The following EPHB4 variants were observed in gnomAD, a reference collection of about 807,000 sequenced individuals.
EPHB4 encodes the protein EPH receptor B4, also known as ephrin type-B receptor 4.
Under a neutral mutation model 110.6 loss-of-function variants are expected in EPHB4, and 50 were observed. The ratio of observed to expected loss-of-function variants is 0.45; its 90% CI spans 0.36 to 0.57. The LOEUF is 0.57. EPHB4 is among the 20% of genes least tolerant of loss of function. EPHB4 has a pLI of 0.00. For synonymous variants in EPHB4, 592 were observed against 578.4 expected (o/e 1.02, Z -0.34); for missense variants, 1,128 against 1,382.1 (o/e 0.82, Z 2.91).
At chr7:100,813,336 A>C (rs953732052) in intron 10 of EPHB4, 128 bp from the exon 11 acceptor site, 3 of 591,104 alleles carry the variant, frequency 5.1e-6, no homozygotes, top group Non-Finnish European at 7.8e-6. Flanking sequence ...TTTTCCTGAG[A>C]TGGAGTCTCG....
intron 16 of EPHB4, among the ~76,000 whole-genome samples, chr7:100,804,895 T>C (rs1812781610): frequency 6.6e-6 from 1 of 152,134 alleles, no homozygotes; most frequent in Admixed American, 6.6e-5. Context: ...TGCACAAAGA[T>C]AGCTAGAAGT....
At position 100,822,261 on chromosome 7, in the gene EPHB4, C is replaced by T; in HGVS notation, c.808+10G>A. ...TGAGCAGCAGTCGCAGGGGAAGCTC[C>T]AGCTCTCACCTCGGCACTTGGTGTT... On this transcript the variant is annotated intron_variant, in intron 4 of 16. Coordinates refer to ENST00000358173, the MANE Select transcript of EPHB4 (RefSeq NM_004444.5). The surrounding 1 kb of genome is among the most constrained non-coding windows in gnomAD (Gnocchi z 4.7). 2.6e-6 allele frequency: 4 copies of T among 1,554,358 alleles called. No individual in the cohort carries two copies. The highest frequency in any genetic ancestry group is 2.6e-6 in the Non-Finnish European group (3 of 1,149,094).
At chr7:100,817,860 T>TTG (rs1813118364) in intron 7 of EPHB4, among the ~76,000 whole-genome samples, 1 of 5,318 alleles carries the variant, frequency 1.9e-4, no homozygotes, top group Non-Finnish European at 1.0e-3. Context: ...ATTTTTTGCG[T>TTG]TTTTTTTTTT....
At chr7:100,819,353 G>A (rs187309768) in intron 6 of EPHB4, among the ~76,000 whole-genome samples, 1 of 152,234 alleles carries the variant, frequency 6.6e-6, no homozygotes, top group African/African-American at 2.4e-5. Context: ...CAAGTGATCC[G>A]CCTGTCTCAG....
chr7:100,818,555 C>G lies in EPHB4; in HGVS notation c.1387G>C (p.Ala463Pro). Residue 463 changes from alanine to proline, a missense_variant, in exon 7 of 17, where the codon GCT (alanine) becomes CCT (proline). Ala to Pro is a conservative substitution (Grantham distance 27). Transcript: ENST00000358173. Reference sequence around the variant, plus strand: ...TATTTGACCTCGTAGTCCAGCACAGCCCCACTGGGTGCCCGGGGAACAGCC... The same window carrying G: ...TATTTGACCTCGTAGTCCAGCACAGGCCCACTGGGTGCCCGGGGAACAGCC... Reference protein sequence around the residue: ...AWAVPRAPSGAVLDYEVKYHE... With the variant: ...AWAVPRAPSGPVLDYEVKYHE... 6.2e-7 allele frequency: 1 copy of G among 1,614,042 alleles called. No homozygotes were observed. Among genetic ancestry groups the G allele is most frequent in the Non-Finnish European group, 8.5e-7 (1 of 1,180,028 alleles).
chr7:100,818,534 T>C lies in EPHB4; in HGVS notation c.1408A>G (p.Lys470Glu). The C allele has an allele frequency of 6.2e-7, 1 of 1,614,036 alleles. No homozygotes were observed. Among genetic ancestry groups the C allele is most frequent in the Non-Finnish European group, 8.5e-7 (1 of 1,179,992 alleles). ...GATGGCCTTACCTTCTCATGGTATT[T>C]GACCTCGTAGTCCAGCACAGCCCCA... ...PSGAVLDYEV[K>E]YHEKGAEGPS... is the part of the protein sequence containing the mutation. Residue 470 changes from lysine (K) to glutamate (E), a missense_variant, in exon 7 of 17, where the codon AAA (lysine) becomes GAA (glutamate). Physicochemically the swap from Lys to Glu is moderately conservative, Grantham distance 56. This residue lies in a region of EPHB4 where 728 missense variants were observed against 828.6 expected (regional missense o/e 0.88). Coordinates refer to ENST00000358173, the MANE Select transcript of EPHB4 (RefSeq NM_004444.5).
chr7:100,810,888 G>A lies in EPHB4; in HGVS notation c.2118+1859C>T, dbSNP rs538585984. On this transcript the variant is annotated intron_variant, in intron 12 of 16. Coordinates refer to ENST00000358173, the MANE Select transcript of EPHB4 (RefSeq NM_004444.5). Reference sequence around the variant, plus strand: ...ATCAACTGGGTATTCAATGACGCTAGGGAATCGCTATAACTCTGTTCAATG... The same window carrying A: ...ATCAACTGGGTATTCAATGACGCTAAGGAATCGCTATAACTCTGTTCAATG... 3.9e-5 allele frequency among the ~76,000 whole-genome samples: 6 copies of A among 152,270 alleles called. 1 individual carries two copies. In the South Asian group the frequency reaches 1.2e-3, roughly 32 times the overall value.
chr7:100,812,916 T>C lies in EPHB4; in HGVS notation c.1949A>G (p.Lys650Arg). ...KESCVAIKTLKGGYTERQRRE... is the reference protein window; with the variant it reads ...KESCVAIKTLRGGYTERQRRE... The stretch of plus-strand genomic sequence containing the variant: ...CCGCTGCCGCTCCGTGTAGCCACCC[T>C]TCAGGGTCTTGATTGCCACACAGCT... Residue 650 changes from lysine to arginine, a missense_variant, in exon 12 of 17, where the codon AAG (lysine) becomes AGG (arginine). Lys to Arg is a conservative substitution (Grantham distance 26, BLOSUM62 2). Transcript: ENST00000358173. 6.2e-7 allele frequency: 1 copy of C among 1,614,214 alleles called. No individual in the cohort carries two copies. Among genetic ancestry groups the C allele is most frequent in the Non-Finnish European group, 8.5e-7 (1 of 1,180,040 alleles).
rs750516897 is a variant in EPHB4, at chr7:100,813,768, G to C, written c.1692-52C>G. ...GGTAAACTGAGTCACACATCTTTAT[G>C]AGGCACACACACCAAAGGAAGGAGC... On this transcript the variant is annotated intron_variant, in intron 9 of 16. Transcript: ENST00000358173. 6 of 1,612,080 alleles carry C rather than the reference G, an allele frequency of 3.7e-6. No individual in the cohort carries two copies. In the Admixed American group the frequency reaches 8.3e-5, roughly 22 times the overall value.
chr7:100,821,445 C>G (rs562626882), intron 4 of EPHB4, among the ~76,000 whole-genome samples: 1 of 150,472 alleles, frequency 6.6e-6, no homozygotes, highest in Non-Finnish European at 1.5e-5. Flanking sequence ...CTGGCTAACA[C>G]GGTGAAACTC....
chr7:100,814,327 G>A (rs1024611654), intron 8 of EPHB4, among the ~76,000 whole-genome samples: 2 of 152,198 alleles, frequency 1.3e-5, no homozygotes, highest in African/African-American at 4.8e-5. Context: ...CGCCCAGGCT[G>A]GAGTGCAGTG....
In EPHB4 at chr7:100,803,358, A is replaced by G. The variant is rs1250234594; in HGVS notation, c.*103T>C. The G allele has an allele frequency of 2.3e-6, 3 of 1,321,110 alleles. No individual in the cohort carries two copies. Among genetic ancestry groups the G allele is most frequent in the Non-Finnish European group, 2.0e-6 (2 of 1,014,708 alleles). 81.8% of individuals were successfully genotyped at this position (1,321,110 alleles called of 1,614,324 possible). A position where few individuals can be genotyped will look rare whatever the true frequency, so the allele number is the denominator to read the frequency against. On this transcript the variant is annotated 3_prime_UTR_variant, in exon 17 of 17. Transcript: ENST00000358173. ...TGCCAACTCCTCACCCCACGGGCTC[A>G]AAGTGCAATCCAGCGGGGCACAGGG...
In EPHB4 at chr7:100,827,068, G is replaced by A. The variant is rs895446509; in HGVS notation, c.-38C>T. On this transcript the variant is annotated 5_prime_UTR_variant, in exon 1 of 17. Coordinates refer to ENST00000358173, the MANE Select transcript of EPHB4 (RefSeq NM_004444.5). Reference sequence around the variant, plus strand: ...CTCGGGTAGGATCCGAACTGAGTTTGGGGGGCCCTCGCCCCCCCAGGTCTG... The same window carrying A: ...CTCGGGTAGGATCCGAACTGAGTTTAGGGGGCCCTCGCCCCCCCAGGTCTG... 10 of 1,557,164 alleles carry A rather than the reference G, an allele frequency of 6.4e-6. No homozygotes were observed. Among genetic ancestry groups the A allele is most frequent in the Non-Finnish European group, 8.7e-6 (10 of 1,150,572 alleles).
At chr7:100,814,095 T>C (rs1240665490) in intron 8 of EPHB4, 74 bp from the exon 9 acceptor site, 1 of 1,526,806 alleles carries the variant, frequency 6.5e-7, no homozygotes, top group Non-Finnish European at 8.9e-7. Flanking sequence ...CTTTGAGCAA[T>C]GAACTGTGAT....
intron 8 of EPHB4, among the ~76,000 whole-genome samples, chr7:100,816,009 C>T (rs922382810): frequency 1.3e-5 from 2 of 150,670 alleles, no homozygotes; most frequent in African/African-American, 4.9e-5. Context: ...AAAAGTTAGG[C>T]CGGGCGTGGT....
chr7:100,816,205 T>C (rs1813063396), intron 8 of EPHB4, among the ~76,000 whole-genome samples: 1 of 152,040 alleles, frequency 6.6e-6, no homozygotes, highest in Non-Finnish European at 1.5e-5. Context: ...GCCACTGGCC[T>C]AGCATATTAA....
At chr7:100,816,739 G>A (rs550391147) in intron 8 of EPHB4, among the ~76,000 whole-genome samples, 104 of 152,062 alleles carry the variant, frequency 6.8e-4, no homozygotes, top group African/African-American at 2.3e-3. Context: ...GACATCTTAC[G>A]TTCTCTCCTC....
At chr7:100,819,960 C>T (rs1182464777) in intron 5 of EPHB4, 71 bp from the exon 6 acceptor site, 1 of 1,484,958 alleles carries the variant, frequency 6.7e-7, no homozygotes, top group South Asian at 1.3e-5. Flanking sequence ...AATGGAGGCA[C>T]CAGCAGCCAT....
At position 100,814,012 on chromosome 7, in the gene EPHB4, C is replaced by G. The variant is rs149690566; in HGVS notation, c.1598G>C (p.Gly533Ala). Residue 533 changes from glycine (G) to alanine (A), a missense_variant, in exon 9 of 17, where the codon GGC becomes GCC. By Grantham distance (60) the Gly-to-Ala change is moderately conservative (BLOSUM62 0). Transcript: ENST00000358173. ...AATCAGGGCCAGCTGCTCCCGCCAG[C>G]CCTCGCTCTCTGCGGAAGGAAAGGC... ...HSQTQLDESEGWREQLALIAG... is the reference protein window; with the variant it reads ...HSQTQLDESEAWREQLALIAG... The G allele has an allele frequency of 6.2e-7, 1 of 1,614,064 alleles. No homozygotes were observed. The highest frequency in any genetic ancestry group is 8.5e-7 in the Non-Finnish European group (1 of 1,180,012).
Sources: gnomAD v4.1 joint callset for allele counts (sites outside exome capture counted in the v4.1 genomes callset) on GRCh38, gnomAD v4.1.1 for gene constraint, gnomAD v4.1.1 regional missense constraint, Gnocchi (gnomAD v3.1) non-coding constraint, MANE v1.5 for transcripts, NCBI Gene and HGNC (gene_info 2026-07-23, HGNC 2026-07-21) for gene names.